EIF4ENIF1: variants seen among roughly 807,000 people sequenced by gnomAD.
EIF4ENIF1 encodes the protein eukaryotic translation initiation factor 4E nuclear import factor 1.
Under a neutral mutation model 110.5 loss-of-function variants are expected in EIF4ENIF1, and 23 were observed. The ratio of observed to expected loss-of-function variants is 0.21; its 90% CI spans 0.15 to 0.29. EIF4ENIF1 has a LOEUF of 0.29. EIF4ENIF1 is among the 10% of genes least tolerant of loss of function. The probability of loss-of-function intolerance (pLI) is 1.00; values close to 1 mark genes in which losing one functional copy is unlikely to be tolerated. For synonymous variants in EIF4ENIF1, 440 were observed against 437.0 expected, an observed-to-expected ratio of 1.01 and a Z score of -0.09; for missense variants, 1,031 against 1,221.1, an observed-to-expected ratio of 0.84 and a Z score of 2.32.
downstream of EIF4ENIF1, among the ~76,000 whole-genome samples, chr22:31,438,720 C>CAATT (rs773777977): frequency 2.6e-5 from 4 of 151,824 alleles, 1 homozygote; most frequent in Admixed American, 2.0e-4. Context: ...AGATAGAGTC[C>CAATT]AATTAACTTT....
chr22:31,483,680 G>A (rs983694496), intron 2 of EIF4ENIF1, among the ~76,000 whole-genome samples: 1 of 152,042 alleles, frequency 6.6e-6, no homozygotes, highest in East Asian at 1.9e-4. Flanking sequence ...GCTAATGCTA[G>A]TTCAGGGAGC....
At chr22:31,480,705 A>T (rs2051783886) in intron 2 of EIF4ENIF1, among the ~76,000 whole-genome samples, 1 of 152,146 alleles carries the variant, frequency 6.6e-6, no homozygotes, top group Non-Finnish European at 1.5e-5. Context: ...TGGTGAGCCA[A>T]GATCACGCCA....
intron 2 of EIF4ENIF1, among the ~76,000 whole-genome samples, chr22:31,473,246 A>G (rs2051451027): frequency 6.6e-6 from 1 of 152,158 alleles, no homozygotes; most frequent in Non-Finnish European, 1.5e-5. Flanking sequence ...TCTCTCAAGG[A>G]TGTACTTAGC....
rs113101758 is a variant in EIF4ENIF1, at chr22:31,455,248, T to G, written c.1167A>C (p.Glu389Asp). The change falls in exon 9 of 19, where the codon GAA (glutamate) becomes GAC (aspartate). Residue 389 changes from glutamate to aspartate, a missense_variant. Glu to Asp is a conservative substitution (Grantham distance 45, BLOSUM62 2). Coordinates refer to ENST00000330125, the MANE Select transcript of EIF4ENIF1 (RefSeq NM_019843.4). ...SGNYFAPIPLEDHAENKVDIL... is the reference protein window; with the variant it reads ...SGNYFAPIPLDDHAENKVDIL... ...TATCCACTTTATTTTCAGCATGGTCTTCCAATGGTATAGGAGCAAAGTAAT... is the reference window on the plus strand; with the variant it reads ...TATCCACTTTATTTTCAGCATGGTCGTCCAATGGTATAGGAGCAAAGTAAT... The G allele has an allele frequency of 6.2e-7, 1 of 1,614,052 alleles. No homozygotes were observed. Among genetic ancestry groups the G allele is most frequent in the Non-Finnish European group, 8.5e-7 (1 of 1,179,966 alleles).
chr22:31,452,887 G>A (rs1444595528), intron 10 of EIF4ENIF1, among the ~76,000 whole-genome samples: 1 of 152,116 alleles, frequency 6.6e-6, no homozygotes, highest in Non-Finnish European at 1.5e-5. Flanking sequence ...CTGGCACTAA[G>A]GAATAATGGA....
At position 31,482,228 on chromosome 22, in the gene EIF4ENIF1, T is replaced by C. The variant is rs2051844741; in HGVS notation, c.96+6395A>G. 2.0e-5 allele frequency among the ~76,000 whole-genome samples: 3 copies of C among 152,134 alleles called. No homozygotes were observed. The South Asian group carries it at 6.2e-4, about 31-fold the overall frequency. Reference sequence around the variant, plus strand: ...AGATAATTCAACATTCACTTAACTTTAATACGCATGTTTAACACTGGTCAG... The same window carrying C: ...AGATAATTCAACATTCACTTAACTTCAATACGCATGTTTAACACTGGTCAG... On this transcript the variant is annotated intron_variant, in intron 2 of 18. Coordinates refer to ENST00000330125, the MANE Select transcript of EIF4ENIF1 (RefSeq NM_019843.4).
chr22:31,443,140 T>G (rs375995924), intron 15 of EIF4ENIF1, 46 bp from the exon 16 acceptor site: 6 of 1,602,018 alleles, frequency 3.7e-6, no homozygotes, highest in East Asian at 2.2e-5. Context: ...TAAGTGCCGT[T>G]CTCTAATACT....
chr22:31,486,554 G>T (rs1398717486), intron 2 of EIF4ENIF1, among the ~76,000 whole-genome samples: 1 of 151,528 alleles, frequency 6.6e-6, no homozygotes, highest in Non-Finnish European at 1.5e-5. Context: ...TGAGGCAGGT[G>T]AATCACTTGA....
At chr22:31,444,249 T>A (rs996396536) in intron 15 of EIF4ENIF1, among the ~76,000 whole-genome samples, 11 of 152,224 alleles carry the variant, frequency 7.2e-5, no homozygotes, top group African/African-American at 2.6e-4. Context: ...TTCAATAGAC[T>A]CCCCACTGTC....
chr22:31,453,846 A>G (rs948293724), intron 10 of EIF4ENIF1, among the ~76,000 whole-genome samples: 2 of 152,182 alleles, frequency 1.3e-5, no homozygotes, highest in Non-Finnish European at 2.9e-5. Context: ...ATCCAAAAAG[A>G]TAGTTTTATA....
chr22:31,440,786 AG>A lies in EIF4ENIF1; in HGVS notation c.2633del (p.Pro878LeufsTer8), dbSNP rs2050267913. ...PILGQPFYPL[P>X]AASHPLLNPR... ...GGTTTAAGAGAGGGTGACTAGCAGC[AG>A]GTAAAGGGTAAAAGGGCTGACCCAG... On this transcript the variant is annotated frameshift_variant, in exon 18 of 19. Transcript: ENST00000330125. LOFTEE classifies it high-confidence loss of function. 1 of 1,613,896 alleles carries A rather than the reference AG, an allele frequency of 6.2e-7. No homozygotes were observed. The highest frequency in any genetic ancestry group is 1.3e-5 in the African/African-American group (1 of 74,922).
At chr22:31,477,621 C>G (rs1226936143) in intron 2 of EIF4ENIF1, among the ~76,000 whole-genome samples, 1 of 152,150 alleles carries the variant, frequency 6.6e-6, no homozygotes, top group Non-Finnish European at 1.5e-5. Context: ...ACTTCACAGG[C>G]CTGTAAGAGC....
At position 31,447,833 on chromosome 22, in the gene EIF4ENIF1, C is replaced by A. The variant is rs1041197493; in HGVS notation, c.1849-268G>T. 2.6e-5 allele frequency among the ~76,000 whole-genome samples: 4 copies of A among 152,218 alleles called. No individual in the cohort carries two copies. In the South Asian group the frequency reaches 6.2e-4, roughly 24 times the overall value. On this transcript the variant is annotated intron_variant, in intron 13 of 18. Coordinates refer to ENST00000330125, the MANE Select transcript of EIF4ENIF1 (RefSeq NM_019843.4). ...TAGAGACAGGGTCTCACTCTGCCAC[C>A]TAGGCTGGAGTACAGTGGCACCATC...
At chr22:31,447,320 G>C (rs1246692255) in intron 14 of EIF4ENIF1, 106 bp downstream of exon 14, 2 of 1,367,540 alleles carry the variant, frequency 1.5e-6, no homozygotes, top group Admixed American at 4.5e-5. Context: ...ACCACATACT[G>C]AACATACCAC....
At chr22:31,458,338 C>T (rs1046519212) in intron 7 of EIF4ENIF1, 137 bp downstream of exon 7, 3 of 653,574 alleles carry the variant, frequency 4.6e-6, no homozygotes, top group Non-Finnish European at 6.7e-6. Context: ...CAAAACAAAG[C>T]CAACAAAAAT....
At position 31,487,294 on chromosome 22, in the gene EIF4ENIF1, G is replaced by C. The variant is rs1302515495; in HGVS notation, c.96+1329C>G. On this transcript the variant is annotated intron_variant, in intron 2 of 18. Transcript: ENST00000330125. The stretch of plus-strand genomic sequence containing the variant: ...CATACCAAAACAGATCATCCTAAGA[G>C]AGCAATCAACCAAGAACACTTTACA... Among the ~76,000 whole-genome samples the C allele has an allele frequency of 5.3e-5, 8 of 152,148 alleles. No individual in the cohort carries two copies. The East Asian group carries it at 9.6e-4, about 18-fold the overall frequency.
chr22:31,463,808 C>T lies in EIF4ENIF1; in HGVS notation c.458G>A (p.Arg153His), dbSNP rs1369866687. The change falls in exon 5 of 19, where the codon CGT becomes CAT. Residue 153 changes from arginine (R) to histidine (H), a missense_variant. By Grantham distance (29) the Arg-to-His change is conservative. Around this residue, in one of 3 missense-constraint regions of EIF4ENIF1, gnomAD observed 704 missense variants for 879.7 expected, o/e 0.80. Transcript: ENST00000330125. The stretch of plus-strand genomic sequence containing the variant: ...GATTATCCTCCCACTGCCAATCCTA[C>T]GTCCACCAAGCAGACGAAGCCCATC... ...DSDGLRLLGG[R>H]RIGSGRIISA... 7 of 1,614,074 alleles carry T rather than the reference C, an allele frequency of 4.3e-6. No homozygotes were observed. Among genetic ancestry groups the T allele is most frequent in the Admixed American group, 1.7e-5 (1 of 60,000 alleles).
At chr22:31,468,714 A>G (rs2051272009) in intron 3 of EIF4ENIF1, among the ~76,000 whole-genome samples, 1 of 152,200 alleles carries the variant, frequency 6.6e-6, no homozygotes, top group Non-Finnish European at 1.5e-5. Context: ...TTTCTAAAAT[A>G]AAGCTTCATG....
intron 7 of EIF4ENIF1, among the ~76,000 whole-genome samples, chr22:31,457,817 T>G (rs1055651091): frequency 6.6e-6 from 1 of 152,234 alleles, no homozygotes; most frequent in South Asian, 2.1e-4. Context: ...TAATGCTGAC[T>G]TTTAAGTGCA....
Sources: gnomAD v4.1 joint callset for allele counts (sites outside exome capture counted in the v4.1 genomes callset) on GRCh38, gnomAD v4.1.1 for gene constraint, gnomAD v4.1.1 regional missense constraint, MANE v1.5 for transcripts, NCBI Gene and HGNC (gene_info 2026-07-23, HGNC 2026-07-21) for gene names.